SP140: variants seen among roughly 807,000 people sequenced by gnomAD.
The protein encoded by SP140 is SP140 nuclear body protein, also known as nuclear body protein SP140.
In SP140, 81 loss-of-function variants were observed where a neutral mutation model predicts 125.0. That is an observed-to-expected ratio of 0.65 (90% CI 0.54 to 0.78). The LOEUF is 0.78. SP140 is among the 30% of genes least tolerant of loss of function. The pLI, the probability that SP140 is intolerant of heterozygous loss-of-function variation, is 0.00. For missense variants in SP140, 858 were observed against 1,037.0 expected (o/e 0.83, Z 2.37); for synonymous variants, 312 against 354.0 (o/e 0.88, Z 1.33).
At chr2:230,254,473 A>G (rs1217270713) in intron 11 of SP140, among the ~76,000 whole-genome samples, 2 of 152,112 alleles carry the variant, frequency 1.3e-5, no homozygotes, top group African/African-American at 2.4e-5. Flanking sequence ...CTCCCTTCCA[A>G]GCTCTTCCAT....
intron 8 of SP140, 95 bp from the exon 9 acceptor site, chr2:230,248,790 G>T: frequency 2.2e-6 from 2 of 919,154 alleles, no homozygotes; most frequent in Admixed American, 3.8e-5. Context: ...GACAGGGGTG[G>T]CTCTCAGCAT....
chr2:230,290,683 A>G, intron 19 of SP140, 119 bp downstream of exon 19: 1 of 818,122 alleles, frequency 1.2e-6, no homozygotes, highest in East Asian at 2.7e-5. Context: ...GGCTTGAGGG[A>G]AGGAGGAAGG....
intron 12 of SP140, among the ~76,000 whole-genome samples, chr2:230,268,217 A>G (rs1423614783): frequency 6.6e-6 from 1 of 152,154 alleles, no homozygotes; most frequent in Non-Finnish European, 1.5e-5. Context: ...GGCAGAGATA[A>G]GACTTTTTAA....
chr2:230,288,455 ATCTTTCTTTCTT>A (rs34638665), intron 18 of SP140, among the ~76,000 whole-genome samples: 8,975 of 123,586 alleles, frequency 0.073, 372 homozygotes, highest in Non-Finnish European at 0.079. Context: ...TAGGCCAACT[ATCTTTCTTTCTT>A]TCTTTCTTTC....
Position 230,241,495 on chromosome 2 carries a change from T to C in SP140, c.490+8T>C, listed in dbSNP as rs75177776. 4.6e-3 allele frequency: 6,762 copies of C among 1,479,932 alleles called. 19 individuals carry two copies. Among genetic ancestry groups the C allele is most frequent in the Admixed American group, 5.8e-3 (346 of 59,700 alleles). The allele number at this position is 1,479,932 out of a possible 1,614,324, so 91.7% of individuals were successfully genotyped here. On this transcript the variant is annotated splice_region_variant and intron_variant, in intron 4 of 26. Transcript: ENST00000392045. ...TACCATATGGTAAACAAGGTAACTATCATTTAGCTGATCAATGCCCTTATT... is the reference window on the plus strand; with the variant it reads ...TACCATATGGTAAACAAGGTAACTACCATTTAGCTGATCAATGCCCTTATT...
the SP140 span, among the ~76,000 whole-genome samples, chr2:230,189,955 A>G: frequency 1.3e-5 from 2 of 151,980 alleles, no homozygotes; most frequent in East Asian, 3.9e-4. Flanking sequence ...TGGATTCTTT[A>G]TCCAGCATTT....
chr2:230,305,761 C>T (rs552203135), intron 22 of SP140, among the ~76,000 whole-genome samples: 26 of 152,350 alleles, frequency 1.7e-4, no homozygotes, highest in African/African-American at 6.0e-4. Context: ...GCCAGCAATG[C>T]GGCCCCTGCA....
Position 230,238,321 on chromosome 2 carries a change from A to G in SP140, c.346A>G (p.Ser116Gly), listed in dbSNP as rs772461781. 6 of 1,614,118 alleles carry G rather than the reference A, an allele frequency of 3.7e-6. No homozygotes were observed. Residue 116 changes from serine to glycine, a missense_variant, in exon 3 of 27, where the codon AGC becomes GGC. Coordinates refer to ENST00000392045, the MANE Select transcript of SP140 (RefSeq NM_007237.5). ...FGWSHLEALF[S>G]RINLMAYPDL... Reference sequence around the variant, plus strand: ...CTGGTCACATCTGGAAGCATTGTTCAGCAGGATTAACCTGATGGCCTATCC... The same window carrying G: ...CTGGTCACATCTGGAAGCATTGTTCGGCAGGATTAACCTGATGGCCTATCC...
chr2:230,198,123 T>C (rs1009779243), upstream of SP140, among the ~76,000 whole-genome samples: 11 of 111,572 alleles, frequency 9.9e-5, no homozygotes, highest in African/African-American at 2.9e-4. Flanking sequence ...TCTGTAGGAC[T>C]GGAAGTCCTC....
the SP140 span, among the ~76,000 whole-genome samples, chr2:230,192,007 T>C: frequency 6.6e-6 from 1 of 152,136 alleles, no homozygotes; most frequent in African/African-American, 2.4e-5. Flanking sequence ...GCATAATCCA[T>C]CACATAAACA....
At chr2:230,243,068 T>C (rs1470221883) in intron 4 of SP140, among the ~76,000 whole-genome samples, 1 of 152,222 alleles carries the variant, frequency 6.6e-6, no homozygotes, top group Non-Finnish European at 1.5e-5. Context: ...GCCACCTGCT[T>C]ACTTCTCCAG....
chr2:230,192,299 A>G, the SP140 span, among the ~76,000 whole-genome samples: 1 of 152,200 alleles, frequency 6.6e-6, no homozygotes, highest in Non-Finnish European at 1.5e-5. Flanking sequence ...ATCAGGCAAG[A>G]GAAAGAAATA....
chr2:230,247,508 C>G (rs376900219), intron 7 of SP140, among the ~76,000 whole-genome samples: 1 of 152,218 alleles, frequency 6.6e-6, no homozygotes, highest in African/African-American at 2.4e-5. Context: ...TAAGATCTCT[C>G]TCTTGGACTG....
rs149966860 is a variant in SP140 at position 230,293,935 on chromosome 2, G to C, written c.1969-336G>C. Among the ~76,000 whole-genome samples the C allele has an allele frequency of 4.5e-4, 68 of 152,320 alleles. 1 individual carries two copies. The highest frequency in any genetic ancestry group is 1.4e-3 in the African/African-American group (58 of 41,574). On this transcript the variant is annotated intron_variant, in intron 20 of 26. Transcript: ENST00000392045. The stretch of plus-strand genomic sequence containing the variant: ...GTAGCAGGCAATGTGTGTGCTGCTT[G>C]GATAGCTCTGGTGTAAGGACTCCAG...
the SP140 span, among the ~76,000 whole-genome samples, chr2:230,197,345 T>A: frequency 2.6e-4 from 39 of 151,716 alleles, no homozygotes; most frequent in African/African-American, 9.0e-4. Context: ...TGTCTTCTTT[T>A]GAGAAGTGTC....
At chr2:230,206,570 TA>T (rs1188815428) in intron 1 of SP140, among the ~76,000 whole-genome samples, 3 of 136,178 alleles carry the variant, frequency 2.2e-5, no homozygotes, top group African/African-American at 8.1e-5. Flanking sequence ...CTGGTCCAGA[TA>T]TTATATATTA....
Position 230,238,421 on chromosome 2 carries a change from A to C in SP140, c.406+40A>C, listed in dbSNP as rs373753266. 2.1e-5 allele frequency: 33 copies of C among 1,537,902 alleles called. No homozygotes were observed. The Middle Eastern group carries it at 5.1e-4, about 24-fold the overall frequency. On this transcript the variant is annotated intron_variant, in intron 3 of 26. Transcript: ENST00000392045. The stretch of plus-strand genomic sequence containing the variant: ...CAACAGCTTTGGGGGATTCAAGCCC[A>C]TTTCATTCATTGATTCATTCATTCA...
intron 1 of SP140, among the ~76,000 whole-genome samples, chr2:230,229,703 A>G (rs1026928224): frequency 2.0e-5 from 3 of 150,548 alleles, no homozygotes. Context: ...TTCTTTTAAC[A>G]TTTTCACATG....
chr2:230,241,844 T>A (rs990906330), intron 4 of SP140, among the ~76,000 whole-genome samples: 6 of 152,224 alleles, frequency 3.9e-5, no homozygotes, highest in Non-Finnish European at 5.9e-5. Context: ...TTAATTAATT[T>A]CATAGAACTA....
Sources: gnomAD v4.1 joint callset for allele counts (sites outside exome capture counted in the v4.1 genomes callset) on GRCh38, gnomAD v4.1.1 for gene constraint, MANE v1.5 for transcripts, NCBI Gene and HGNC (gene_info 2026-07-23, HGNC 2026-07-21) for gene names.